Variants in EYS observed in about 807,000 individuals in gnomAD.
EYS encodes the protein EGF-like photoreceptor maintenance factor, also known as protein eyes shut homolog.
EYS carries 250 observed loss-of-function variants against 282.1 expected under a neutral mutation model. The observed-to-expected ratio is 0.89, with a 90% CI of 0.80 to 0.98. The LOEUF (loss-of-function observed/expected upper bound fraction) is 0.98, where lower values mean the gene tolerates loss of function less well. Ranked by LOEUF, EYS falls within the 50% of genes least tolerant of loss-of-function variation. EYS has a pLI of 0.00. For missense variants in EYS, 4,016 were observed against 3,709.0 expected (o/e 1.08, Z -2.15); for synonymous variants, 1,355 against 1,282.9 (o/e 1.06, Z -1.20).
At position 65,443,299 on chromosome 6, in the gene EYS, C is replaced by A. The variant is rs1006412021; in HGVS notation, c.863-37932G>T. On this transcript the variant is annotated intron_variant, in intron 5 of 42. Coordinates refer to ENST00000503581, the MANE Select transcript of EYS (RefSeq NM_001142800.2). The stretch of plus-strand genomic sequence containing the variant: ...ACATGTATGCATGCATATATGCATA[C>A]ATGTGTGTACACATATAGACATATA... 3.5e-5 allele frequency among the ~76,000 whole-genome samples: 5 copies of A among 143,894 alleles called. 1 individual carries two copies. Among genetic ancestry groups the A allele is most frequent in the Non-Finnish European group, 7.9e-5 (5 of 63,646 alleles). 94.4% of individuals were successfully genotyped at this position (143,894 alleles called of 152,430 possible).
rs1351173741 is a variant in EYS, at chr6:64,520,098, G to C, written c.5644+70125C>G. 2.0e-5 allele frequency among the ~76,000 whole-genome samples: 3 copies of C among 151,874 alleles called. No homozygotes were observed. In the East Asian group the frequency reaches 5.9e-4, roughly 30 times the overall value. ...CAGGTTTGTGCTGTCCTAGATCCTGGCTAAGAGGTTCACTGGTTCACTTGC... is the reference window on the plus strand; with the variant it reads ...CAGGTTTGTGCTGTCCTAGATCCTGCCTAAGAGGTTCACTGGTTCACTTGC... On this transcript the variant is annotated intron_variant, in intron 26 of 42. Transcript: ENST00000503581.
chr6:64,814,432 A>G (rs1261995567), intron 21 of EYS, among the ~76,000 whole-genome samples: 1 of 152,020 alleles, frequency 6.6e-6, no homozygotes, highest in African/African-American at 2.4e-5. Flanking sequence ...AGTAAATATT[A>G]TCTTTCTTTC....
At chr6:65,595,603 T>TA (rs1194556638) in intron 2 of EYS, among the ~76,000 whole-genome samples, 14 of 150,156 alleles carry the variant, frequency 9.3e-5, no homozygotes, top group African/African-American at 3.4e-4. Flanking sequence ...TTAATGCATG[T>TA]AAAATACCTA....
chr6:64,775,420 TAAAAC>T (rs2149989361), intron 22 of EYS, among the ~76,000 whole-genome samples: 1 of 152,092 alleles, frequency 6.6e-6, no homozygotes, highest in South Asian at 2.1e-4. Flanking sequence ...CTTTGCCACT[TAAAAC>T]TGAACCACCG....
chr6:65,226,137 AT>A (rs1766619848), intron 12 of EYS, among the ~76,000 whole-genome samples: 1 of 152,142 alleles, frequency 6.6e-6, no homozygotes, highest in Admixed American at 6.5e-5. Flanking sequence ...TAGTAAAAAA[AT>A]CTATTAGCAT....
intron 36 of EYS, chr6:63,822,726 G>A (rs756346381): frequency 1.3e-5 from 2 of 152,104 alleles, no homozygotes; most frequent in African/African-American, 4.8e-5. Flanking sequence ...TTTCTACTAT[G>A]AGTATTGATT....
rs567511529 is a variant in EYS, at chr6:63,979,053, G to C, written c.7055+5330C>G. On this transcript the variant is annotated intron_variant, in intron 35 of 42. Transcript: ENST00000503581. The stretch of plus-strand genomic sequence containing the variant: ...TATGGAAAAATTATTAATATGAATT[G>C]GGGTTGATTTTCTTAGTCTAGCTCA... Among the ~76,000 whole-genome samples the C allele has an allele frequency of 1.8e-4, 27 of 152,004 alleles. No individual in the cohort carries two copies. In the South Asian group the frequency reaches 5.4e-3, roughly 30 times the overall value.
At chr6:64,940,466 T>C (rs948781799) in intron 15 of EYS, among the ~76,000 whole-genome samples, 1 of 152,024 alleles carries the variant, frequency 6.6e-6, no homozygotes, top group East Asian at 1.9e-4. Context: ...AATTAATTAA[T>C]GTAAGAAAAA....
chr6:65,405,934 C>A (rs929857919), intron 5 of EYS, among the ~76,000 whole-genome samples: 7 of 151,724 alleles, frequency 4.6e-5, no homozygotes, highest in African/African-American at 1.7e-4. Flanking sequence ...GAAAAGAATC[C>A]CAGGAGTGGA....
At chr6:64,925,856 C>T (rs1768500888) in intron 15 of EYS, among the ~76,000 whole-genome samples, 1 of 152,044 alleles carries the variant, frequency 6.6e-6, no homozygotes, top group Admixed American at 6.5e-5. Context: ...CATGTGGGCC[C>T]CTAATGGTGG....
intron 31 of EYS, among the ~76,000 whole-genome samples, chr6:64,083,902 T>A (rs905638889): frequency 1.1e-4 from 16 of 152,240 alleles, no homozygotes; most frequent in African/African-American, 3.4e-4. Flanking sequence ...CATGCCTGGC[T>A]AACTTTTGTA....
At chr6:64,202,252 G>C (rs576799029) in intron 31 of EYS, among the ~76,000 whole-genome samples, 2 of 152,170 alleles carry the variant, frequency 1.3e-5, no homozygotes, top group Non-Finnish European at 1.5e-5. Context: ...TGGAGAGGGA[G>C]ACCAAACTCA....
At chr6:64,630,838 A>C (rs188704148) in intron 22 of EYS, among the ~76,000 whole-genome samples, 1 of 152,386 alleles carries the variant, frequency 6.6e-6, no homozygotes, top group East Asian at 1.9e-4. Flanking sequence ...ATAACAATTT[A>C]TAACCCCATG....
At chr6:64,122,942 C>T (rs957182645) in intron 31 of EYS, among the ~76,000 whole-genome samples, 8 of 151,624 alleles carry the variant, frequency 5.3e-5, no homozygotes, top group Admixed American at 1.3e-4. Flanking sequence ...TCAGTGTTAT[C>T]AGTGAATATT....
intron 19 of EYS, among the ~76,000 whole-genome samples, chr6:64,844,113 G>A (rs1347423962): frequency 1.3e-5 from 2 of 152,070 alleles, no homozygotes; most frequent in African/African-American, 4.8e-5. Flanking sequence ...GGAACTGTAA[G>A]TCCAATTAAA....
intron 22 of EYS, among the ~76,000 whole-genome samples, chr6:64,768,215 AG>A (rs1446908443): frequency 1.3e-5 from 2 of 152,168 alleles, no homozygotes; most frequent in Non-Finnish European, 2.9e-5. Context: ...GATATTTAAA[AG>A]CATTCTACTG....
intron 40 of EYS, among the ~76,000 whole-genome samples, chr6:63,769,184 G>A (rs950791168): frequency 1.3e-5 from 2 of 151,914 alleles, no homozygotes; most frequent in African/African-American, 2.4e-5. Context: ...ACACACTTAC[G>A]TAACAAACCT....
intron 26 of EYS, among the ~76,000 whole-genome samples, chr6:64,488,815 C>A (rs956138423): frequency 1.4e-4 from 21 of 150,888 alleles, no homozygotes; most frequent in South Asian, 4.1e-4. Context: ...AAATATGCTT[C>A]TAATATTCAA....
At chr6:64,965,004 G>GC (rs1318599703) in intron 14 of EYS, among the ~76,000 whole-genome samples, 1 of 152,008 alleles carries the variant, frequency 6.6e-6, no homozygotes, top group Non-Finnish European at 1.5e-5. Context: ...TTGCACTCCT[G>GC]CTGGATGACA....
Sources: gnomAD v4.1 joint callset for allele counts (sites outside exome capture counted in the v4.1 genomes callset) on GRCh38, gnomAD v4.1.1 for gene constraint, MANE v1.5 for transcripts, NCBI Gene and HGNC (gene_info 2026-07-23, HGNC 2026-07-21) for gene names.